The following COL6A6 variants were observed in gnomAD, a reference collection of about 807,000 sequenced individuals.
COL6A6 encodes collagen alpha-6(VI) chain.
Under a neutral mutation model 208.6 loss-of-function variants are expected in COL6A6, and 183 were observed. The observed-to-expected ratio is 0.88, with a 90% CI of 0.78 to 0.99. COL6A6 has a LOEUF of 0.99. Among genes scored for constraint, COL6A6 ranks in the 50% least tolerant of loss-of-function variants. The pLI, the probability that COL6A6 is intolerant of heterozygous loss-of-function variation, is 0.00. For missense variants in COL6A6, 2,816 were observed against 2,815.2 expected, an observed-to-expected ratio of 1.00 and a Z score of -0.01; for synonymous variants, 973 against 1,011.8, an observed-to-expected ratio of 0.96 and a Z score of 0.73.
At chr3:130,621,279 T>A (rs1396459436) in intron 23 of COL6A6, among the ~76,000 whole-genome samples, 8 of 152,218 alleles carry the variant, frequency 5.3e-5, no homozygotes, top group Non-Finnish European at 8.8e-5. Context: ...TACATTTACT[T>A]TTCTAACTTA....
intron 23 of COL6A6, among the ~76,000 whole-genome samples, chr3:130,618,993 C>T (rs1185367789): frequency 6.6e-6 from 1 of 152,154 alleles, no homozygotes; most frequent in African/African-American, 2.4e-5. Context: ...CTCTCTACTT[C>T]TCTGTGCAGT....
intron 1 of COL6A6, among the ~76,000 whole-genome samples, chr3:130,558,309 T>C (rs909520207): frequency 2.0e-5 from 3 of 152,084 alleles, no homozygotes; most frequent in Non-Finnish European, 4.4e-5. Flanking sequence ...TCCTACAGCT[T>C]GCCTTATCAT....
Position 130,593,231 on chromosome 3 carries a change from A to G in COL6A6, c.4449A>G (p.Glu1483=). The change falls in exon 17 of 37, where the codon GAA becomes GAG. Residue 1483 remains glutamate, a synonymous_variant. Transcript: ENST00000358511. ...GDNGLPGRKG[E]KGDEGSQGSP... ...ATGGTCTTCCTGGAAGAAAAGGAGA[A>G]AAGGGAGATGAGGGATCTCAGGTAG... 6.2e-7 allele frequency: 1 copy of G among 1,612,936 alleles called. No homozygotes were observed.
chr3:130,589,640 C>A (rs1010692558), intron 12 of COL6A6, among the ~76,000 whole-genome samples: 1 of 152,168 alleles, frequency 6.6e-6, no homozygotes, highest in African/African-American at 2.4e-5. Context: ...TAAGATGTCT[C>A]ATTCATCTTA....
At chr3:130,646,208 G>C (rs190034686) in intron 32 of COL6A6, among the ~76,000 whole-genome samples, 21 of 152,104 alleles carry the variant, frequency 1.4e-4, no homozygotes, top group East Asian at 9.7e-4. Flanking sequence ...ATAATGTAAG[G>C]GGGGGAGATG....
chr3:130,635,204 C>T (rs2065075440), intron 27 of COL6A6, among the ~76,000 whole-genome samples: 1 of 151,572 alleles, frequency 6.6e-6, no homozygotes, highest in Non-Finnish European at 1.5e-5. Flanking sequence ...CACTGCACTC[C>T]AGCTTGGGTG....
At chr3:130,535,767 T>C (rs899140334) in intron 1 of COL6A6, among the ~76,000 whole-genome samples, 2 of 152,234 alleles carry the variant, frequency 1.3e-5, no homozygotes, top group African/African-American at 4.8e-5. Context: ...TGAAGCCCTC[T>C]ATCTACTCTT....
At chr3:130,524,744 C>T (rs2061922423) in intron 1 of COL6A6, among the ~76,000 whole-genome samples, 1 of 152,192 alleles carries the variant, frequency 6.6e-6, no homozygotes, top group South Asian at 2.1e-4. Context: ...TCATCTCAAT[C>T]AGCAGTAGCA....
At chr3:130,534,644 C>T (rs1164236051) in intron 1 of COL6A6, among the ~76,000 whole-genome samples, 1 of 152,096 alleles carries the variant, frequency 6.6e-6, no homozygotes, top group Non-Finnish European at 1.5e-5. Context: ...AGAACTCAGG[C>T]GTATGTTTTC....
intron 24 of COL6A6, among the ~76,000 whole-genome samples, chr3:130,623,346 T>C (rs934805931): frequency 2.6e-5 from 4 of 152,080 alleles, no homozygotes; most frequent in African/African-American, 9.7e-5. Flanking sequence ...TAATCCCAGC[T>C]ACTCGGGAGG....
chr3:130,658,124 G>A (rs2065842777), intron 33 of COL6A6, among the ~76,000 whole-genome samples: 1 of 152,178 alleles, frequency 6.6e-6, no homozygotes, highest in Non-Finnish European at 1.5e-5. Context: ...CTAGTTTATA[G>A]TAGAAACCTA....
At chr3:130,544,050 A>G (rs997523223) in intron 1 of COL6A6, among the ~76,000 whole-genome samples, 2 of 152,214 alleles carry the variant, frequency 1.3e-5, no homozygotes, top group Non-Finnish European at 2.9e-5. Context: ...GAAACTTGTG[A>G]CTACAATAGT....
chr3:130,652,070 A>G (rs1353079996), intron 33 of COL6A6, among the ~76,000 whole-genome samples: 1 of 152,192 alleles, frequency 6.6e-6, no homozygotes, highest in East Asian at 1.9e-4. Flanking sequence ...CCAACACTGC[A>G]ACTTATATGT....
chr3:130,589,723 A>G (rs1291664900), intron 12 of COL6A6, among the ~76,000 whole-genome samples: 1 of 152,198 alleles, frequency 6.6e-6, no homozygotes, highest in Admixed American at 6.5e-5. Context: ...AACCAACAAC[A>G]TTGATTCATA....
intron 23 of COL6A6, among the ~76,000 whole-genome samples, chr3:130,615,099 T>C (rs1295105427): frequency 6.6e-6 from 1 of 152,158 alleles, no homozygotes; most frequent in African/African-American, 2.4e-5. Flanking sequence ...CTCTTAACAC[T>C]GCCTTATCTG....
At chr3:130,662,836 C>T (rs1454067168) in intron 35 of COL6A6, among the ~76,000 whole-genome samples, 1 of 152,122 alleles carries the variant, frequency 6.6e-6, no homozygotes, top group Non-Finnish European at 1.5e-5. Flanking sequence ...CTTTCTTAGC[C>T]TTGTTAATGG....
chr3:130,539,731 T>G (rs1351954720), intron 1 of COL6A6, among the ~76,000 whole-genome samples: 1 of 152,126 alleles, frequency 6.6e-6, no homozygotes, highest in African/African-American at 2.4e-5. Context: ...TTGATCAAAA[T>G]ATGCTCTTCA....
chr3:130,587,407 G>A (rs575265302), intron 11 of COL6A6, among the ~76,000 whole-genome samples: 5 of 152,212 alleles, frequency 3.3e-5, no homozygotes, highest in African/African-American at 1.2e-4. Flanking sequence ...GATTACCGGC[G>A]CCCGCCACCA....
At chr3:130,634,242 T>TAAAAAAAAAAAAAAAAAAAAAAA in intron 26 of COL6A6, among the ~76,000 whole-genome samples, 1 of 23,808 alleles carries the variant, frequency 4.2e-5, no homozygotes, top group African/African-American at 5.8e-4. Context: ...AATAAATAAA[T>TAAAAAAAAAAAAAAAAAAAAAAA]AAAAAAAAAA....
Sources: gnomAD v4.1 joint callset for allele counts (sites outside exome capture counted in the v4.1 genomes callset) on GRCh38, gnomAD v4.1.1 for gene constraint, MANE v1.5 for transcripts, NCBI Gene and HGNC (gene_info 2026-07-23, HGNC 2026-07-21) for gene names.